PRR5L: variants seen among roughly 807,000 people sequenced by gnomAD.
PRR5L encodes the protein proline rich 5 like.
PRR5L carries 21 observed loss-of-function variants against 36.4 expected under a neutral mutation model. The observed-to-expected ratio is 0.58, with a 90% CI of 0.41 to 0.83. The LOEUF (loss-of-function observed/expected upper bound fraction) is 0.83. Ranked by LOEUF, PRR5L falls within the 40% of genes least tolerant of loss-of-function variation. The pLI is 0.00. For missense variants in PRR5L, 381 were observed against 473.3 expected (o/e 0.80, Z 1.81); for synonymous variants, 188 against 197.0 (o/e 0.95, Z 0.38).
chr11:36,376,464 G>A, intron 1 of PRR5L: 4 of 1,131,904 alleles, frequency 3.5e-6, no homozygotes, highest in Non-Finnish European at 4.4e-6. Flanking sequence ...TCGCGCTGGA[G>A]AGGAACCGAG....
At chr11:36,443,704 GCA>G (rs1470420179) in intron 6 of PRR5L, among the ~76,000 whole-genome samples, 1 of 152,214 alleles carries the variant, frequency 6.6e-6, no homozygotes, top group African/African-American at 2.4e-5. Context: ...TGGAATCACA[GCA>G]GATAATCCAG....
At chr11:36,401,582 A>G (rs1256661100) in intron 2 of PRR5L, among the ~76,000 whole-genome samples, 1 of 151,680 alleles carries the variant, frequency 6.6e-6, no homozygotes, top group Non-Finnish European at 1.5e-5. Context: ...ATGCCACCAC[A>G]CCCAGCTAAT....
At chr11:36,380,254 A>G (rs1857345088) in intron 1 of PRR5L, among the ~76,000 whole-genome samples, 1 of 152,178 alleles carries the variant, frequency 6.6e-6, no homozygotes, top group South Asian at 2.1e-4. Flanking sequence ...CGCTGTGGAT[A>G]TTGTGAATAT....
Position 36,442,230 on chromosome 11 carries a change from G to A in PRR5L, c.445-4070G>A, listed in dbSNP as rs192156886. On this transcript the variant is annotated intron_variant, in intron 6 of 8. Coordinates refer to ENST00000530639, the MANE Select transcript of PRR5L (RefSeq NM_001160167.2). ...GGCTGCAAATTTTCCAAATTTTTAT[G>A]CTCTGTTTTCCTTTTAATTATAAGT... 6.6e-5 allele frequency among the ~76,000 whole-genome samples: 10 copies of A among 152,138 alleles called. No individual in the cohort carries two copies. In the East Asian group the frequency reaches 1.9e-3, roughly 29 times the overall value.
intron 1 of PRR5L, among the ~76,000 whole-genome samples, chr11:36,299,518 G>A (rs1364180618): frequency 2.0e-5 from 3 of 152,194 alleles, no homozygotes; most frequent in Non-Finnish European, 4.4e-5. Context: ...CCTGCATGAT[G>A]GCCTCAGTGT....
At chr11:36,383,256 A>G (rs757559054) in intron 1 of PRR5L, among the ~76,000 whole-genome samples, 2 of 152,140 alleles carry the variant, frequency 1.3e-5, no homozygotes, top group Non-Finnish European at 2.9e-5. Flanking sequence ...TTTTGGTTCA[A>G]TTACTTTATT....
rs116147007 is a variant in PRR5L at position 36,323,672 on chromosome 11, G to T, written c.-126+27234G>T. Among the ~76,000 whole-genome samples the T allele has an allele frequency of 6.1e-3, 928 of 152,290 alleles. 11 individuals carry two copies. The highest frequency in any genetic ancestry group is 0.021 in the African/African-American group (878 of 41,540). On this transcript the variant is annotated intron_variant, in intron 1 of 8. Transcript: ENST00000530639. ...GACTTTCTATCACTTGGATTTAAAAGTGTCCTGGTTAATTTTGAATCATTA... is the reference window on the plus strand; with the variant it reads ...GACTTTCTATCACTTGGATTTAAAATTGTCCTGGTTAATTTTGAATCATTA...
chr11:36,378,149 C>T (rs1857309636), intron 1 of PRR5L, among the ~76,000 whole-genome samples: 1 of 152,118 alleles, frequency 6.6e-6, no homozygotes, highest in Non-Finnish European at 1.5e-5. Context: ...GTAAATTGCT[C>T]TGGGGTGGAA....
chr11:36,299,136 G>A (rs781668510), intron 1 of PRR5L, among the ~76,000 whole-genome samples: 2 of 152,108 alleles, frequency 1.3e-5, no homozygotes, highest in Non-Finnish European at 2.9e-5. Flanking sequence ...TTGTCAGAAG[G>A]ACCTACACAT....
chr11:36,347,794 T>C (rs145844098), intron 1 of PRR5L, among the ~76,000 whole-genome samples: 398 of 151,924 alleles, frequency 2.6e-3, no homozygotes, highest in African/African-American at 9.3e-3. Flanking sequence ...TCTAAAGTAT[T>C]TCAGGAGGAC....
intron 4 of PRR5L, among the ~76,000 whole-genome samples, chr11:36,419,675 A>G (rs1276518479): frequency 6.6e-6 from 1 of 152,252 alleles, no homozygotes; most frequent in African/African-American, 2.4e-5. Context: ...TTACATTTTT[A>G]TGAAAAACAA....
At chr11:36,356,824 C>G (rs923646462) in intron 1 of PRR5L, among the ~76,000 whole-genome samples, 1 of 152,116 alleles carries the variant, frequency 6.6e-6, no homozygotes, top group Non-Finnish European at 1.5e-5. Flanking sequence ...TTGGTATTTC[C>G]TGAGACACAA....
At chr11:36,330,456 C>T (rs1856707185) in intron 1 of PRR5L, among the ~76,000 whole-genome samples, 1 of 152,164 alleles carries the variant, frequency 6.6e-6, no homozygotes, top group African/African-American at 2.4e-5. Flanking sequence ...GTATAATCAT[C>T]AAGTTACTTA....
intron 5 of PRR5L, among the ~76,000 whole-genome samples, chr11:36,435,575 T>C: frequency 6.6e-6 from 1 of 152,186 alleles, no homozygotes; most frequent in Non-Finnish European, 1.5e-5. Context: ...GCAAAGGCCC[T>C]GTGGCATGAC....
intron 1 of PRR5L, among the ~76,000 whole-genome samples, chr11:36,374,108 C>G (rs77066323): frequency 0.028 from 1,736 of 61,238 alleles, 35 homozygotes; most frequent in Middle Eastern, 0.04. Flanking sequence ...CTTCCTTCCT[C>G]TCTCTCTCTC....
At chr11:36,396,966 G>A (rs1824688113) in intron 1 of PRR5L, among the ~76,000 whole-genome samples, 1 of 152,276 alleles carries the variant, frequency 6.6e-6, no homozygotes, top group South Asian at 2.1e-4. Context: ...GGAAAAGTGG[G>A]AATGGGCTGG....
intron 1 of PRR5L, among the ~76,000 whole-genome samples, chr11:36,382,002 C>CA (rs894528634): frequency 6.6e-6 from 1 of 152,008 alleles, no homozygotes; most frequent in Non-Finnish European, 1.5e-5. Flanking sequence ...ACTAAAAATA[C>CA]AAAAAATGAG....
At chr11:36,306,632 T>A (rs540513101) in intron 1 of PRR5L, among the ~76,000 whole-genome samples, 218 of 152,252 alleles carry the variant, frequency 1.4e-3, no homozygotes, top group African/African-American at 5.1e-3. Context: ...AGGTGCATTA[T>A]TATTATTTTT....
intron 1 of PRR5L, among the ~76,000 whole-genome samples, chr11:36,327,102 T>C (rs900673403): frequency 6.6e-6 from 1 of 152,226 alleles, no homozygotes; most frequent in African/African-American, 2.4e-5. Flanking sequence ...CAGTCTCTGT[T>C]TCATTTACAC....
Sources: gnomAD v4.1 joint callset for allele counts (sites outside exome capture counted in the v4.1 genomes callset) on GRCh38, gnomAD v4.1.1 for gene constraint, MANE v1.5 for transcripts, NCBI Gene and HGNC (gene_info 2026-07-23, HGNC 2026-07-21) for gene names.